The following COL1A1 variants were observed in gnomAD, a reference collection of about 807,000 sequenced individuals.
COL1A1 encodes collagen alpha-1(I) chain.
A neutral mutation model predicts 195.7 loss-of-function variants in COL1A1; 21 were observed. The observed-to-expected ratio is 0.11, with a 90% confidence interval of 0.08 to 0.15. COL1A1 has a LOEUF of 0.15. Among genes scored for constraint, COL1A1 ranks in the 10% least tolerant of loss-of-function variants. COL1A1 has a pLI of 1.00. For synonymous variants in COL1A1, 749 were observed against 747.3 expected, an observed-to-expected ratio of 1.00 and a Z score of -0.04; for missense variants, 1,365 against 2,051.0, an observed-to-expected ratio of 0.67 and a Z score of 6.46.
intron 25 of COL1A1, chr17:50,193,622 C>T: frequency 2.7e-6 from 1 of 372,480 alleles, no homozygotes; most frequent in East Asian, 6.5e-5. Context: ...GCTGGGGTTA[C>T]AGGTGCACAC....
At chr17:50,192,191 G>A in intron 29 of COL1A1, 167 bp from the exon 30 acceptor site, 2 of 804,046 alleles carry the variant, frequency 2.5e-6, no homozygotes, top group Non-Finnish European at 2.0e-6. Flanking sequence ...TCCTAGGGAT[G>A]TGTCAAAGGC....
chr17:50,192,987 T>C lies in COL1A1; in HGVS notation c.1821+7A>G, dbSNP rs1437239744. The C allele has an allele frequency of 6.2e-7, 1 of 1,612,880 alleles. No homozygotes were observed. The highest frequency in any genetic ancestry group is 8.5e-7 in the Non-Finnish European group (1 of 1,179,544). Reference sequence around the variant, plus strand: ...GAAGGAGGTAGGGATGGAAAGGAGATACTTACGACAGCGCCAGGGGGTCCG... The same window carrying C: ...GAAGGAGGTAGGGATGGAAAGGAGACACTTACGACAGCGCCAGGGGGTCCG... On this transcript the variant is annotated splice_region_variant and intron_variant, in intron 26 of 50. Transcript: ENST00000225964.
Position 50,184,770 on chromosome 17 carries a change from G to A in COL1A1, c.*732C>T, listed in dbSNP as rs964199113. On this transcript the variant is annotated 3_prime_UTR_variant, in exon 51 of 51. Coordinates refer to ENST00000225964, the MANE Select transcript of COL1A1 (RefSeq NM_000088.4). ...AACAGTCTCTCCCGCCCAGCCCTGCGGCACAAGGGATTGACACGCGTTCCC... is the reference window on the plus strand; with the variant it reads ...AACAGTCTCTCCCGCCCAGCCCTGCAGCACAAGGGATTGACACGCGTTCCC... 2 of 232,144 alleles carry A rather than the reference G, an allele frequency of 8.6e-6. No homozygotes were observed. Among genetic ancestry groups the A allele is most frequent in the Non-Finnish European group, 1.7e-5 (2 of 117,340 alleles). 14.4% of individuals were successfully genotyped at this position (232,144 alleles called of 1,614,324 possible).
At chr17:50,192,365 G>T (rs113858765) in intron 29 of COL1A1, 110 bp downstream of exon 29, 4 of 1,281,738 alleles carry the variant, frequency 3.1e-6, no homozygotes, top group Non-Finnish European at 4.4e-6. Context: ...TCTTTCCGGC[G>T]TCTAACCTCA....
chr17:50,191,116 C>T (rs1381297696), intron 32 of COL1A1, among the ~76,000 whole-genome samples, 192 bp from the exon 33 acceptor site: 1 of 152,062 alleles, frequency 6.6e-6, no homozygotes, highest in East Asian at 1.9e-4. Context: ...GGTTAAGAGG[C>T]CCCTGACTTG....
chr17:50,189,922 A>G lies in COL1A1; in HGVS notation c.2560-10T>C. The G allele has an allele frequency of 1.2e-6, 2 of 1,611,738 alleles. No homozygotes were observed. The highest frequency in any genetic ancestry group is 1.7e-6 in the Non-Finnish European group (2 of 1,178,956). On this transcript the variant is annotated splice_polypyrimidine_tract_variant and intron_variant, in intron 36 of 50. Transcript: ENST00000225964. This position sits in a 1 kb window ranked among gnomAD's most constrained non-coding sequence, Gnocchi z 5.5. ...GAGCACCAACATTACCCTGTAGGAG[A>G]GCACAGAGGCATCAAGCCTGGACCC...
At position 50,199,238 on chromosome 17, in the gene COL1A1, A is replaced by G. The variant is rs1555575026; in HGVS notation, c.459T>C (p.Pro153=). ...CCTCTCCACTTACTCCTCCGAGGCC[A>G]GGGGGTCCGGGAGGTCCGGGGGGTC... ...PPGPPGPPGP[P]GLGGNFAPQL... is the part of the protein sequence containing the mutation. The change falls in exon 5 of 51, where the codon CCT becomes CCC. Residue 153 remains proline, a synonymous_variant. Transcript: ENST00000225964. 2.0e-6 allele frequency: 3 copies of G among 1,463,748 alleles called. No individual in the cohort carries two copies. The highest frequency in any genetic ancestry group is 2.7e-6 in the Non-Finnish European group (3 of 1,104,346). The allele number at this position is 1,463,748 out of a possible 1,614,324, so 90.7% of individuals were successfully genotyped here.
In COL1A1 at chr17:50,186,977, T is replaced by G. The variant is rs373036181; in HGVS notation, c.3531+38A>C. ...ACCGGCATCCAAGTGCTTTGGGGGCTGGAGGGCCATGAGCAGAGGGGATGA... is the reference window on the plus strand; with the variant it reads ...ACCGGCATCCAAGTGCTTTGGGGGCGGGAGGGCCATGAGCAGAGGGGATGA... On this transcript the variant is annotated intron_variant, in intron 47 of 50. Coordinates refer to ENST00000225964, the MANE Select transcript of COL1A1 (RefSeq NM_000088.4). This position sits in a 1 kb window ranked among gnomAD's most constrained non-coding sequence, Gnocchi z 5.3. The G allele has an allele frequency of 6.2e-7, 1 of 1,610,654 alleles. No homozygotes were observed. Among genetic ancestry groups the G allele is most frequent in the African/African-American group, 1.3e-5 (1 of 74,900 alleles).
At chr17:50,200,151 T>A in intron 1 of COL1A1, 1 of 619,458 alleles carries the variant, frequency 1.6e-6, no homozygotes, top group Non-Finnish European at 2.9e-6. Flanking sequence ...AGGCTGTAAC[T>A]CTTTCCAGTT....
chr17:50,197,714 C>T lies in COL1A1; in HGVS notation c.696+18G>A. On this transcript the variant is annotated intron_variant, in intron 9 of 50. Coordinates refer to ENST00000225964, the MANE Select transcript of COL1A1 (RefSeq NM_000088.4). ...AGGCCATGGGGTCAGATGGTATCTT[C>T]TTGCTGGGGATACTTACATCATCTC... 3.2e-6 allele frequency: 5 copies of T among 1,570,776 alleles called. No homozygotes were observed. Among genetic ancestry groups the T allele is most frequent in the Non-Finnish European group, 4.3e-6 (5 of 1,162,592 alleles).
Position 50,185,414 on chromosome 17 carries a change from A to G in COL1A1, c.*88T>C, listed in dbSNP as rs1061237. The G allele has an allele frequency of 0.28, 415,450 of 1,493,578 alleles. 60,684 individuals are homozygous for G. Among genetic ancestry groups the G allele is most frequent in the East Asian group, 0.45 (19,572 of 43,954 alleles). 92.5% of individuals were successfully genotyped at this position (1,493,578 alleles called of 1,614,324 possible). On this transcript the variant is annotated 3_prime_UTR_variant, in exon 51 of 51. Coordinates refer to ENST00000225964, the MANE Select transcript of COL1A1 (RefSeq NM_000088.4). ...ATTGTCTCCCATTTTTTGGCTTTTG[A>G]GGGGGTTCAGTTTGGGTTGCTTGTC...
chr17:50,194,329 C>G lies in COL1A1; in HGVS notation c.1614+20G>C. The G allele has an allele frequency of 6.2e-7, 1 of 1,613,918 alleles. No homozygotes were observed. The highest frequency in any genetic ancestry group is 8.5e-7 in the Non-Finnish European group (1 of 1,179,912). On this transcript the variant is annotated intron_variant, in intron 23 of 50. Transcript: ENST00000225964. This position sits in a 1 kb window ranked among gnomAD's most constrained non-coding sequence, Gnocchi z 6.8. Reference sequence around the variant, plus strand: ...ATGGTCAGGGCCTGGCCAAGCCAGGCTGAAAGCCTGGGGCCTCACCTTGGC... The same window carrying G: ...ATGGTCAGGGCCTGGCCAAGCCAGGGTGAAAGCCTGGGGCCTCACCTTGGC...
chr17:50,190,664 G>T lies in COL1A1; in HGVS notation c.2344-68C>A. 6.4e-7 allele frequency: 1 copy of T among 1,569,492 alleles called. No individual in the cohort carries two copies. The highest frequency in any genetic ancestry group is 1.1e-5 in the South Asian group (1 of 88,924). Reference sequence around the variant, plus strand: ...GAATACTCCTAGTAGATGACCCCAGGAGAGCCTCCCCTCCTTCTGGTCCCT... The same window carrying T: ...GAATACTCCTAGTAGATGACCCCAGTAGAGCCTCCCCTCCTTCTGGTCCCT... On this transcript the variant is annotated intron_variant, in intron 33 of 50. Transcript: ENST00000225964. This position sits in a 1 kb window ranked among gnomAD's most constrained non-coding sequence, Gnocchi z 4.7.
chr17:50,186,437 A>T lies in COL1A1; in HGVS notation c.3885T>A (p.Thr1295=), dbSNP rs757536774. 1.2e-6 allele frequency: 2 copies of T among 1,614,048 alleles called. No individual in the cohort carries two copies. Among genetic ancestry groups the T allele is most frequent in the Admixed American group, 3.3e-5 (2 of 60,010 alleles). ...GAGTGGGGTACACGCAGGTCTCACC[A>T]GTCTCCATGTTGCAGAAGACTTTGA... The part of the protein sequence containing the change: ...DAIKVFCNME[T]GETCVYPTQP... Residue 1295 remains threonine, a synonymous_variant, in exon 49 of 51, where the codon ACT becomes ACA. Coordinates refer to ENST00000225964, the MANE Select transcript of COL1A1 (RefSeq NM_000088.4). The surrounding 1 kb of genome is among the most constrained non-coding windows in gnomAD (Gnocchi z 5.3).
chr17:50,192,381 T>C, intron 29 of COL1A1, 94 bp downstream of exon 29: 7 of 1,395,870 alleles, frequency 5.0e-6, no homozygotes, highest in Non-Finnish European at 6.0e-6. Context: ...CCTCAATCCC[T>C]CTAGTTGATG....
Position 50,197,240 on chromosome 17 carries a change from G to C in COL1A1, c.697-7C>G. The stretch of plus-strand genomic sequence containing the variant: ...CAGGTTTTCCAGCTTCCCCCTGAGA[G>C]GGAGAGAAAAGACCATCATGCCTCT... On this transcript the variant is annotated splice_region_variant and splice_polypyrimidine_tract_variant and intron_variant, in intron 9 of 50. Transcript: ENST00000225964. The C allele has an allele frequency of 6.2e-7, 1 of 1,612,490 alleles. No individual in the cohort carries two copies. The highest frequency in any genetic ancestry group is 8.5e-7 in the Non-Finnish European group (1 of 1,179,970).
At position 50,195,401 on chromosome 17, in the gene COL1A1, A is replaced by T; in HGVS notation, c.1200+33T>A. On this transcript the variant is annotated intron_variant, in intron 18 of 50. Coordinates refer to ENST00000225964, the MANE Select transcript of COL1A1 (RefSeq NM_000088.4). This position sits in a 1 kb window ranked among gnomAD's most constrained non-coding sequence, Gnocchi z 4.3. ...AAGGGGCAGGCAGGCTGCAGGCGGC[A>T]GGAGTGGGACTGAAGCCTGGCAGGA... is the stretch of plus-strand genomic sequence containing the variant. 6.2e-7 allele frequency: 1 copy of T among 1,614,118 alleles called. No individual in the cohort carries two copies. Among genetic ancestry groups the T allele is most frequent in the Non-Finnish European group, 8.5e-7 (1 of 1,179,962 alleles).
intron 10 of COL1A1, 32 bp downstream of exon 10, chr17:50,197,148 A>AAGCCCAGGTTC: frequency 1.2e-6 from 2 of 1,614,064 alleles, no homozygotes; most frequent in Non-Finnish European, 1.7e-6. Flanking sequence ...AAGTGCAGTG[A>AAGCCCAGGTTC]AGCCCAGGTT....
At position 50,193,049 on chromosome 17, in the gene COL1A1, TG is replaced by T. The variant is rs1199379483; in HGVS notation, c.1768-3del. On this transcript the variant is annotated splice_region_variant and splice_polypyrimidine_tract_variant and intron_variant, in intron 25 of 50. Transcript: ENST00000225964. The stretch of plus-strand genomic sequence containing the variant: ...CTCTCCAGCCTTGCCGGGCTCTCCC[TG>T]TGGAGAAAGGGAGTTAGGGTTGAGG... 15 of 1,613,664 alleles carry T rather than the reference TG, an allele frequency of 9.3e-6. No individual in the cohort carries two copies. Among genetic ancestry groups the T allele is most frequent in the Middle Eastern group, 3.3e-4 (2 of 6,068 alleles).
Sources: gnomAD v4.1 joint callset for allele counts (sites outside exome capture counted in the v4.1 genomes callset) on GRCh38, gnomAD v4.1.1 for gene constraint, Gnocchi (gnomAD v3.1) non-coding constraint, MANE v1.5 for transcripts, NCBI Gene and HGNC (gene_info 2026-07-23, HGNC 2026-07-21) for gene names.